NLRP4: variants seen among roughly 807,000 people sequenced by gnomAD.
The protein encoded by NLRP4 is NLR family pyrin domain containing 4.
In NLRP4, 44 loss-of-function variants were observed where a neutral mutation model predicts 84.7. That is an observed-to-expected ratio of 0.52 (90% CI 0.41 to 0.67). The LOEUF (loss-of-function observed/expected upper bound fraction) is 0.67. Among genes scored for constraint, NLRP4 ranks in the 30% least tolerant of loss-of-function variants. The pLI, the probability that NLRP4 is intolerant of heterozygous loss-of-function variation, is 0.00. For missense variants in NLRP4, 1,260 were observed against 1,219.4 expected (o/e 1.03, Z -0.50); for synonymous variants, 544 against 476.4 (o/e 1.14, Z -1.85).
chr19:55,859,986 C>CTTT (rs774606132), intron 3 of NLRP4, among the ~76,000 whole-genome samples: 992 of 96,484 alleles, frequency 0.01, 32 homozygotes, highest in African/African-American at 0.035. Flanking sequence ...TCTTCTTGTT[C>CTTT]TTTTTTTTTT....
Position 55,857,564 on chromosome 19 carries a change from G to T in NLRP4, c.281-110G>T, listed in dbSNP as rs1399120579. 9.3e-6 allele frequency: 9 copies of T among 963,668 alleles called. 1 individual carries two copies. The highest frequency in any genetic ancestry group is 1.4e-5 in the Non-Finnish European group (9 of 645,946). The allele number at this position is 963,668 out of a possible 1,614,324, so 59.7% of individuals were successfully genotyped here. A position where few individuals can be genotyped will look rare whatever the true frequency, so the allele number is the denominator to read the frequency against. ...GGAGACTGACCAGGTTTGGCCTGGGGGCCACAGTGTGTAGACCCCTGGAAA... is the reference window on the plus strand; with the variant it reads ...GGAGACTGACCAGGTTTGGCCTGGGTGCCACAGTGTGTAGACCCCTGGAAA... On this transcript the variant is annotated intron_variant, in intron 2 of 9. Coordinates refer to ENST00000301295, the MANE Select transcript of NLRP4 (RefSeq NM_134444.5).
chr19:55,857,132 A>G (rs1161793690), intron 2 of NLRP4, among the ~76,000 whole-genome samples: 1 of 152,210 alleles, frequency 6.6e-6, no homozygotes, highest in African/African-American at 2.4e-5. Context: ...TGTGTCTCAT[A>G]AATTATTTAA....
intron 7 of NLRP4, among the ~76,000 whole-genome samples, chr19:55,873,970 G>T (rs1407931303): frequency 6.6e-6 from 1 of 151,972 alleles, no homozygotes; most frequent in Non-Finnish European, 1.5e-5. Context: ...TGAACTTAAG[G>T]ATTTTTTTAA....
At position 55,861,514 on chromosome 19, in the gene NLRP4, T is replaced by G; in HGVS notation, c.1985T>G (p.Leu662Arg). The part of the protein sequence containing the change: ...ESTFVTWCNQ[L>R]RHPSCRLQKL... The stretch of plus-strand genomic sequence containing the variant: ...ACCTTTGTGACCTGGTGTAACCAGC[T>G]GAGGCATCCCAGCTGTCGCCTTCAG... The change falls in exon 4 of 10, where the codon CTG (leucine) becomes CGG (arginine). Residue 662 changes from leucine to arginine, a missense_variant. Coordinates refer to ENST00000301295, the MANE Select transcript of NLRP4 (RefSeq NM_134444.5). 2 of 1,614,164 alleles carry G rather than the reference T, an allele frequency of 1.2e-6. No homozygotes were observed. The highest frequency in any genetic ancestry group is 1.7e-6 in the Non-Finnish European group (2 of 1,180,018).
intron 5 of NLRP4, among the ~76,000 whole-genome samples, chr19:55,867,043 C>T (rs1011830321): frequency 6.6e-6 from 1 of 151,886 alleles, no homozygotes; most frequent in Admixed American, 6.6e-5. Context: ...GCCAAGCATG[C>T]ATATAACTGA....
rs112454357 is a variant in NLRP4 at position 55,861,349 on chromosome 19, G to T, written c.1857-37G>T. The T allele has an allele frequency of 7.5e-6, 12 of 1,598,236 alleles. No homozygotes were observed. In the African/African-American group the frequency reaches 1.2e-4, roughly 16 times the overall value. The stretch of plus-strand genomic sequence containing the variant: ...GTGTTACAAGTGGCTCGTGTTGACC[G>T]CCTGCCTGTGGAAAGCTCGTCCTTT... On this transcript the variant is annotated intron_variant, in intron 3 of 9. Transcript: ENST00000301295.
Position 55,852,228 on chromosome 19 carries a change from G to A in NLRP4, c.148G>A (p.Ala50Thr), listed in dbSNP as rs1328492486. The A allele has an allele frequency of 6.2e-7, 1 of 1,609,994 alleles. No homozygotes were observed. Among genetic ancestry groups the A allele is most frequent in the Admixed American group, 1.7e-5 (1 of 58,774 alleles). Residue 50 changes from alanine to threonine, a missense_variant, in exon 2 of 10, where the codon GCA (alanine) becomes ACA (threonine). Ala to Thr is a moderately conservative substitution (Grantham distance 58). This residue lies in a region of NLRP4 where 712 missense variants were observed against 669.2 expected (regional missense o/e 1.06). Transcript: ENST00000301295. ...KQIPWTEVKK[A>T]SREELANLLI... ...GATTCCCTGGACTGAGGTCAAAAAA[G>A]CATCCCGGGAAGAACTTGCAAACCT...
At chr19:55,860,955 G>A (rs1984725918) in intron 3 of NLRP4, among the ~76,000 whole-genome samples, 2 of 152,184 alleles carry the variant, frequency 1.3e-5, no homozygotes, top group African/African-American at 4.8e-5. Flanking sequence ...TCCAGCCTGG[G>A]CAACAAGAGT....
chr19:55,878,830 G>A lies in NLRP4; in HGVS notation c.2733G>A (p.Lys911=). Residue 911 remains lysine (K), a synonymous_variant, in exon 9 of 10, where the codon AAG becomes AAA. Transcript: ENST00000301295. ...GTGGGTTAACGAGCACCTGCTGTAA[G>A]GATCTCGCGTCTGTTCTCACCTGCA... is the stretch of plus-strand genomic sequence containing the variant. The part of the protein sequence containing the change: ...EECGLTSTCC[K]DLASVLTCSK... 6.2e-7 allele frequency: 1 copy of A among 1,613,474 alleles called. No homozygotes were observed. The highest frequency in any genetic ancestry group is 8.5e-7 in the Non-Finnish European group (1 of 1,179,624).
At position 55,867,884 on chromosome 19, in the gene NLRP4, G is replaced by T; in HGVS notation, c.2354+8G>T. 6.2e-7 allele frequency: 1 copy of T among 1,612,758 alleles called. No individual in the cohort carries two copies. Among genetic ancestry groups the T allele is most frequent in the Non-Finnish European group, 8.5e-7 (1 of 1,179,084 alleles). ...GGTCCTGGTATACCTGATGTGAGTGGATGTTGGGGGTGCCTACTGTGGAGG... is the reference window on the plus strand; with the variant it reads ...GGTCCTGGTATACCTGATGTGAGTGTATGTTGGGGGTGCCTACTGTGGAGG... On this transcript the variant is annotated splice_region_variant and intron_variant, in intron 6 of 9. Coordinates refer to ENST00000301295, the MANE Select transcript of NLRP4 (RefSeq NM_134444.5).
rs570108740 is a variant in NLRP4, at chr19:55,850,103, T to G, written c.-65-1913T>G. ...CGGTGTAATTTCCGTGGCTGCGGTG[T>G]AATTACCGTAGCTGCGGTGTAATTT... On this transcript the variant is annotated intron_variant, in intron 1 of 9. Transcript: ENST00000301295. Among the ~76,000 whole-genome samples, 7 of 134,292 alleles carry G rather than the reference T, an allele frequency of 5.2e-5. 1 individual carries two copies. Among genetic ancestry groups the G allele is most frequent in the African/African-American group, 1.8e-4 (6 of 34,088 alleles). 88.1% of individuals were successfully genotyped at this position (134,292 alleles called of 152,430 possible).
At chr19:55,863,117 A>C (rs1162241339) in intron 5 of NLRP4, among the ~76,000 whole-genome samples, 1 of 152,208 alleles carries the variant, frequency 6.6e-6, no homozygotes, top group African/African-American at 2.4e-5. Flanking sequence ...CTGTGGTTAC[A>C]TGCTCCTGTT....
intron 1 of NLRP4, among the ~76,000 whole-genome samples, chr19:55,851,352 T>A (rs371228732): frequency 2.1e-3 from 100 of 46,808 alleles, no homozygotes; most frequent in East Asian, 5.0e-3. Flanking sequence ...GTAATGTCCG[T>A]GGCTGCGGTG....
rs761026986 is a variant in NLRP4 at position 55,878,809 on chromosome 19, G to T, written c.2712G>T (p.Gly904=). 5 of 1,612,204 alleles carry T rather than the reference G, an allele frequency of 3.1e-6. No individual in the cohort carries two copies. Among genetic ancestry groups the T allele is most frequent in the Non-Finnish European group, 1.7e-6 (2 of 1,178,902 alleles). Residue 904 remains glycine (G), a synonymous_variant, in exon 9 of 10, where the codon GGG becomes GGT. Transcript: ENST00000301295. ...RLEILGLEEC[G]LTSTCCKDLA... ...TTTATTGCAGGTTGGAAGAATGTGG[G>T]TTAACGAGCACCTGCTGTAAGGATC...
chr19:55,842,908 C>T (rs547529747), intron 1 of NLRP4, among the ~76,000 whole-genome samples: 47 of 152,000 alleles, frequency 3.1e-4, no homozygotes, highest in South Asian at 1.7e-3. Context: ...TACAGGTGCC[C>T]GCCACCACGC....
intron 6 of NLRP4, among the ~76,000 whole-genome samples, chr19:55,869,099 T>C (rs1039228332): frequency 9.2e-5 from 14 of 152,146 alleles, no homozygotes; most frequent in Non-Finnish European, 7.3e-5. Flanking sequence ...CCCAGGTAAC[T>C]ATCTGGAGAG....
chr19:55,872,696 A>G (rs747422614), intron 7 of NLRP4, among the ~76,000 whole-genome samples: 53 of 152,228 alleles, frequency 3.5e-4, no homozygotes, highest in Non-Finnish European at 1.2e-4. Context: ...AGAAGAGGGT[A>G]TAAGACTTAG....
At chr19:55,860,175 C>T (rs934413297) in intron 3 of NLRP4, among the ~76,000 whole-genome samples, 5 of 151,908 alleles carry the variant, frequency 3.3e-5, no homozygotes, top group African/African-American at 1.2e-4. Context: ...TTAGTAGAGA[C>T]AGGGTTTCAC....
chr19:55,850,050 C>CGAGACTGCGGTGTGATTTCT lies in NLRP4; in HGVS notation c.-65-1965_-65-1964insAGACTGCGGTGTGATTTCTG, dbSNP rs1568658459. ...ATTTCCGAGACTGCGGTGTGATTTCCGTAGCTGCGGTGGAATTTCCGAGAC... is the reference window on the plus strand; with the variant it reads ...ATTTCCGAGACTGCGGTGTGATTTCCGAGACTGCGGTGTGATTTCTGTAGCTGCGGTGGAATTTCCGAGAC... On this transcript the variant is annotated intron_variant, in intron 1 of 9. Transcript: ENST00000301295. 2.2e-5 allele frequency among the ~76,000 whole-genome samples: 3 copies of CGAGACTGCGGTGTGATTTCT among 139,164 alleles called. 1 individual carries two copies. Among genetic ancestry groups the CGAGACTGCGGTGTGATTTCT allele is most frequent in the African/African-American group, 8.9e-5 (3 of 33,570 alleles). 91.3% of individuals were successfully genotyped at this position (139,164 alleles called of 152,430 possible).
Sources: gnomAD v4.1 joint callset for allele counts (sites outside exome capture counted in the v4.1 genomes callset) on GRCh38, gnomAD v4.1.1 for gene constraint, gnomAD v4.1.1 regional missense constraint, MANE v1.5 for transcripts, NCBI Gene and HGNC (gene_info 2026-07-23, HGNC 2026-07-21) for gene names.